COL18A1: variants seen among roughly 807,000 people sequenced by gnomAD.
COL18A1 encodes the protein collagen type XVIII alpha 1 chain.
In COL18A1, 133 loss-of-function variants were observed where a neutral mutation model predicts 168.0. The observed-to-expected ratio is 0.79, with a 90% CI of 0.69 to 0.91. COL18A1 has a LOEUF of 0.91. Ranked by LOEUF, COL18A1 falls within the 40% of genes least tolerant of loss-of-function variation. The pLI is 0.00. For synonymous variants in COL18A1, 949 were observed against 809.0 expected (o/e 1.17, Z -2.94); for missense variants, 2,126 against 1,925.4 (o/e 1.10, Z -1.95).
intron 2 of COL18A1, among the ~76,000 whole-genome samples, chr21:45,447,114 C>G (rs2034519569): frequency 6.6e-6 from 1 of 151,776 alleles, no homozygotes; most frequent in African/African-American, 2.4e-5. Context: ...GAGGTTCTAG[C>G]CACGAAAGTT....
At chr21:45,437,740 TCACA>T (rs796777661) in intron 2 of COL18A1, among the ~76,000 whole-genome samples, 6 of 12,788 alleles carry the variant, frequency 4.7e-4, no homozygotes, top group African/African-American at 1.6e-3. Context: ...ACACACACAC[TCACA>T]CACTCAGACA....
At chr21:45,493,476 T>C (rs1376284866) in intron 25 of COL18A1, 25 bp from the exon 26 acceptor site, 5 of 1,548,174 alleles carry the variant, frequency 3.2e-6, no homozygotes, top group African/African-American at 2.7e-5. Context: ...TGGCCCTGAC[T>C]CTGCTGGACC....
chr21:45,480,582 A>G, intron 12 of COL18A1, 62 bp downstream of exon 12: 3 of 1,612,840 alleles, frequency 1.9e-6, no homozygotes, highest in Non-Finnish European at 1.7e-6. Context: ...CAGGCCATGG[A>G]CCCCCAAGAT....
chr21:45,459,645 A>T (rs1188955474), intron 2 of COL18A1, among the ~76,000 whole-genome samples: 2 of 152,080 alleles, frequency 1.3e-5, no homozygotes, highest in Non-Finnish European at 2.9e-5. Flanking sequence ...ACAAGCAGGG[A>T]CCCTGTGGAG....
chr21:45,484,821 C>T (rs2036052267), intron 15 of COL18A1, among the ~76,000 whole-genome samples: 1 of 152,046 alleles, frequency 6.6e-6, no homozygotes, highest in South Asian at 2.1e-4. Context: ...TTGAGTTAAG[C>T]AGGGGAGGAA....
intron 2 of COL18A1, among the ~76,000 whole-genome samples, chr21:45,427,836 CG>C (rs969613479): frequency 2.0e-5 from 3 of 152,140 alleles, no homozygotes; most frequent in African/African-American, 4.8e-5. Context: ...GGCGAGGCCT[CG>C]GGAATGCGCC....
At chr21:45,493,440 T>C (rs2036428199) in intron 25 of COL18A1, 61 bp from the exon 26 acceptor site, 1 of 1,468,686 alleles carries the variant, frequency 6.8e-7, no homozygotes, top group Non-Finnish European at 9.3e-7. Flanking sequence ...TTCGGGGCTC[T>C]GGGTGAGGCT....
At chr21:45,491,665 C>G (rs567679627) in intron 22 of COL18A1, among the ~76,000 whole-genome samples, 1 of 152,216 alleles carries the variant, frequency 6.6e-6, no homozygotes. Context: ...GCAGATGCAC[C>G]CTTGGCCCCT....
chr21:45,426,586 C>T (rs2033810347), intron 2 of COL18A1, among the ~76,000 whole-genome samples: 1 of 152,156 alleles, frequency 6.6e-6, no homozygotes, highest in Admixed American at 6.5e-5. Context: ...TGGGAGAGCG[C>T]AGGTCCCTTT....
intron 2 of COL18A1, chr21:45,456,972 C>T (rs1302561674): frequency 1.3e-5 from 14 of 1,073,966 alleles, no homozygotes; most frequent in Non-Finnish European, 1.8e-5. Context: ...TACAGGTTCC[C>T]CCCACATCGA....
intron 2 of COL18A1, among the ~76,000 whole-genome samples, chr21:45,415,142 T>G (rs1171800387): frequency 1.3e-5 from 2 of 152,092 alleles, no homozygotes; most frequent in Admixed American, 6.5e-5. Context: ...CGGCGTGGTG[T>G]TGGTTCACCG....
intron 2 of COL18A1, among the ~76,000 whole-genome samples, chr21:45,449,845 C>T (rs1008487846): frequency 6.7e-6 from 1 of 149,452 alleles, no homozygotes; most frequent in African/African-American, 2.5e-5. Flanking sequence ...GAGGTCCCGG[C>T]CAAGCAGCAG....
intron 2 of COL18A1, among the ~76,000 whole-genome samples, chr21:45,458,206 C>G (rs1338873838): frequency 6.6e-6 from 1 of 151,486 alleles, no homozygotes; most frequent in Admixed American, 6.6e-5. Flanking sequence ...AGTGGGGGCC[C>G]TTGTGGATGC....
At chr21:45,490,900 G>T (rs954015751) in intron 21 of COL18A1, 29 bp downstream of exon 21, 19 of 1,545,828 alleles carry the variant, frequency 1.2e-5, no homozygotes, top group African/African-American at 1.1e-4. Flanking sequence ...GGTGGATGGG[G>T]ATGGGGGGCG....
At chr21:45,451,450 G>A (rs1184852997) in intron 2 of COL18A1, among the ~76,000 whole-genome samples, 1 of 152,206 alleles carries the variant, frequency 6.6e-6, no homozygotes, top group African/African-American at 2.4e-5. Flanking sequence ...GGGCCCTGGG[G>A]ACACAGCTGG....
chr21:45,406,606 AGGGTCACTCG>A (rs1197487444), intron 2 of COL18A1, among the ~76,000 whole-genome samples: 23 of 152,136 alleles, frequency 1.5e-4, no homozygotes. Context: ...ACAGCGGCCC[AGGGTCACTCG>A]GGGCCATTAA....
intron 2 of COL18A1, among the ~76,000 whole-genome samples, chr21:45,435,213 T>TGGGAGGAA (rs1569286207): frequency 9.2e-6 from 1 of 108,500 alleles, no homozygotes; most frequent in East Asian, 2.8e-4. Context: ...AGGGGGTCGA[T>TGGGAGGAA]GGGAGGAAGA....
intron 32 of COL18A1, among the ~76,000 whole-genome samples, chr21:45,499,176 A>G (rs942379688): frequency 1.3e-5 from 2 of 152,258 alleles, no homozygotes; most frequent in Admixed American, 6.5e-5. Context: ...TTGCCAGTGT[A>G]GACTCCGACA....
intron 13 of COL18A1, 152 bp downstream of exon 13, chr21:45,481,010 C>A: frequency 3.4e-6 from 4 of 1,192,512 alleles, no homozygotes; most frequent in Non-Finnish European, 4.7e-6. Flanking sequence ...CAGTTGCTGA[C>A]TCGGGGCCAC....
Sources: allele counts gnomAD v4.1 joint callset (sites outside exome capture counted in the v4.1 genomes callset), GRCh38; gene constraint gnomAD v4.1.1; transcripts MANE v1.5; gene names NCBI Gene and HGNC (gene_info 2026-07-23, HGNC 2026-07-21).